ASCC2: variants seen among roughly 807,000 people sequenced by gnomAD.
The protein encoded by ASCC2 is activating signal cointegrator 1 complex subunit 2, also known as ASC-1 complex subunit P100.
Under a neutral mutation model 93.5 loss-of-function variants are expected in ASCC2, and 42 were observed. The observed-to-expected ratio is 0.45, with a 90% CI of 0.35 to 0.58. ASCC2 has a LOEUF of 0.58. ASCC2 is among the 20% of genes least tolerant of loss of function. The pLI is 0.00. For missense variants in ASCC2, 859 were observed against 977.6 expected, an observed-to-expected ratio of 0.88 and a Z score of 1.62; for synonymous variants, 364 against 384.2, an observed-to-expected ratio of 0.95 and a Z score of 0.62.
In ASCC2 at chr22:29,823,249, C is replaced by T. The variant is rs962523645; in HGVS notation, c.412-785G>A. 1.0e-4 allele frequency among the ~76,000 whole-genome samples: 15 copies of T among 148,630 alleles called. No homozygotes were observed. In the East Asian group the frequency reaches 1.0e-3, roughly 10 times the overall value. On this transcript the variant is annotated intron_variant, in intron 4 of 19. Transcript: ENST00000307790. ...AGACAGGGTTTTGCCATGTTGGCCACGCTGGTCTCGAACTCCTGACCTCAA... is the reference window on the plus strand; with the variant it reads ...AGACAGGGTTTTGCCATGTTGGCCATGCTGGTCTCGAACTCCTGACCTCAA...
intron 5 of ASCC2, chr22:29,821,948 A>G: frequency 4.4e-6 from 2 of 450,672 alleles, no homozygotes; most frequent in Non-Finnish European, 8.9e-6. Context: ...GCAGTGAAAT[A>G]TGATTGCGCC....
At chr22:29,798,834 C>G (rs951040298) in intron 15 of ASCC2, among the ~76,000 whole-genome samples, 6 of 152,224 alleles carry the variant, frequency 3.9e-5, no homozygotes, top group African/African-American at 7.2e-5. Flanking sequence ...AGCATAGGAT[C>G]TGGTGCTACT....
At chr22:29,838,003 G>A (rs1471066503) in intron 1 of ASCC2, among the ~76,000 whole-genome samples, 175 bp downstream of exon 1, 1 of 152,220 alleles carries the variant, frequency 6.6e-6, no homozygotes, top group Admixed American at 6.5e-5. Flanking sequence ...CGAACCCGTG[G>A]CTCCTGACCC....
At position 29,825,402 on chromosome 22, in the gene ASCC2, C is replaced by T. The variant is rs1402526302; in HGVS notation, c.241-145G>A. 1.7e-6 allele frequency: 2 copies of T among 1,201,586 alleles called. No homozygotes were observed. Among genetic ancestry groups the T allele is most frequent in the Admixed American group, 5.2e-5 (2 of 38,574 alleles). 74.4% of individuals were successfully genotyped at this position (1,201,586 alleles called of 1,614,324 possible). On this transcript the variant is annotated intron_variant, in intron 3 of 19. Transcript: ENST00000307790. The surrounding 1 kb of genome is among the most constrained non-coding windows in gnomAD (Gnocchi z 4.9). ...AGGGACCAAGGAGGTATGAATGAGC[C>T]AAGGGCTAAACACAAGATTCTAAAA...
chr22:29,790,761 G>A (rs559492840), intron 18 of ASCC2, among the ~76,000 whole-genome samples: 20 of 152,336 alleles, frequency 1.3e-4, no homozygotes, highest in East Asian at 3.9e-4. Context: ...TTCCCTGAGC[G>A]GGTGGCAGCT....
chr22:29,792,599 G>A, intron 17 of ASCC2, 64 bp from the exon 18 acceptor site: 1 of 1,602,496 alleles, frequency 6.2e-7, no homozygotes, highest in Non-Finnish European at 8.5e-7. Flanking sequence ...GCCACAAGGA[G>A]GAGGGAACCT....
At chr22:29,814,190 G>C (rs1793827565) in intron 7 of ASCC2, among the ~76,000 whole-genome samples, 1 of 152,208 alleles carries the variant, frequency 6.6e-6, no homozygotes, top group Non-Finnish European at 1.5e-5. Flanking sequence ...CCTGACACAT[G>C]TTGAGGCTTC....
rs913327576 is a variant in ASCC2 at position 29,823,634 on chromosome 22, G to A, written c.412-1170C>T. Among the ~76,000 whole-genome samples, 20 of 152,160 alleles carry A rather than the reference G, an allele frequency of 1.3e-4. 1 individual carries two copies. Among genetic ancestry groups the A allele is most frequent in the East Asian group, 5.8e-4 (3 of 5,186 alleles). ...AGGCCGAGGCAGACGGATCACGTGAGGTCAGGAGTTCGGGATCAGCCTGGC... is the reference window on the plus strand; with the variant it reads ...AGGCCGAGGCAGACGGATCACGTGAAGTCAGGAGTTCGGGATCAGCCTGGC... On this transcript the variant is annotated intron_variant, in intron 4 of 19. Coordinates refer to ENST00000307790, the MANE Select transcript of ASCC2 (RefSeq NM_032204.5).
In ASCC2 at chr22:29,814,685, C is replaced by T. The variant is rs1320510069; in HGVS notation, c.692G>A (p.Arg231Gln). 7 of 1,604,758 alleles carry T rather than the reference C, an allele frequency of 4.4e-6. No homozygotes were observed. Among genetic ancestry groups the T allele is most frequent in the South Asian group, 1.1e-5 (1 of 89,236 alleles). ...GAGAGGCATGTCACTGGGGGTCAAT[C>T]GGCCCCTCTCCTCAAGCTTCTGGGG... ...TTPQKLEERG[R>Q]LTPSDMPLLE... is the part of the protein sequence containing the mutation. The change falls in exon 7 of 20, where the codon CGA becomes CAA. Residue 231 changes from arginine (R) to glutamine (Q), a missense_variant. Transcript: ENST00000307790.
At chr22:29,790,572 A>C (rs369651531) in intron 18 of ASCC2, 24 bp from the exon 19 acceptor site, 3 of 1,610,138 alleles carry the variant, frequency 1.9e-6, no homozygotes, top group Non-Finnish European at 2.5e-6. Context: ...AGGAGACCAA[A>C]TCTGGAGTCA....
At chr22:29,837,381 C>T (rs1056343471) in intron 1 of ASCC2, among the ~76,000 whole-genome samples, 1 of 152,072 alleles carries the variant, frequency 6.6e-6, no homozygotes, top group East Asian at 1.9e-4. Context: ...TGCAGTGGGA[C>T]GAGATCACGC....
chr22:29,826,319 G>A (rs1360333976), intron 2 of ASCC2, among the ~76,000 whole-genome samples: 1 of 150,862 alleles, frequency 6.6e-6, no homozygotes, highest in African/African-American at 2.4e-5. Context: ...CTTTTGTTTT[G>A]TTTTGTTTTG....
intron 5 of ASCC2, among the ~76,000 whole-genome samples, chr22:29,819,605 G>C (rs1285135081): frequency 2.0e-5 from 3 of 152,144 alleles, no homozygotes; most frequent in Non-Finnish European, 4.4e-5. Flanking sequence ...GCTGTGGTGT[G>C]AATTAGGCAG....
At chr22:29,826,313 T>C (rs2062312447) in intron 2 of ASCC2, among the ~76,000 whole-genome samples, 1 of 151,802 alleles carries the variant, frequency 6.6e-6, no homozygotes, top group African/African-American at 2.4e-5. Flanking sequence ...ATATTACTTT[T>C]GTTTTGTTTT....
In ASCC2 at chr22:29,793,778, C is replaced by A. The variant is rs188826413; in HGVS notation, c.1689-102G>T. The A allele has an allele frequency of 1.9e-3, 2,045 of 1,080,012 alleles. 17 individuals carry two copies. The African/African-American group carries it at 0.027, about 14-fold the overall frequency. 66.9% of individuals were successfully genotyped at this position (1,080,012 alleles called of 1,614,324 possible). On this transcript the variant is annotated intron_variant, in intron 15 of 19. Transcript: ENST00000307790. ...CCACAGGCTTAACTGCTCCAGCCCT[C>A]AGACTGTCACGGAGACAAATGAAAT...
chr22:29,837,544 G>A (rs2148470097), intron 1 of ASCC2, among the ~76,000 whole-genome samples: 1 of 152,314 alleles, frequency 6.6e-6, no homozygotes, highest in African/African-American at 2.4e-5. Flanking sequence ...AGGCAGGACA[G>A]CAAAAGCCAA....
chr22:29,790,119 C>T (rs1295927016), intron 19 of ASCC2, among the ~76,000 whole-genome samples: 1 of 152,208 alleles, frequency 6.6e-6, no homozygotes, highest in African/African-American at 2.4e-5. Flanking sequence ...CACATTTACA[C>T]TCTGCCTGAT....
chr22:29,801,035 G>C lies in ASCC2; in HGVS notation c.1644C>G (p.Phe548Leu). Residue 548 changes from phenylalanine (F) to leucine (L), a missense_variant, in exon 15 of 20, where the codon TTC becomes TTG. By Grantham distance (22) the Phe-to-Leu change is conservative. Transcript: ENST00000307790. The stretch of plus-strand genomic sequence containing the variant: ...GGCTCAGGTCTACTGAGTCCCTGCT[G>C]AACACATCAAACTCGTCATTCTGGA... ...NVFQNDEFDV[F>L]SRDSVDLSRV... is the part of the protein sequence containing the mutation. 6.2e-7 allele frequency: 1 copy of C among 1,609,266 alleles called. No individual in the cohort carries two copies. Among genetic ancestry groups the C allele is most frequent in the African/African-American group, 1.3e-5 (1 of 74,946 alleles).
intron 12 of ASCC2, 107 bp from the exon 13 acceptor site, chr22:29,804,937 C>T: frequency 1.6e-6 from 2 of 1,272,262 alleles, no homozygotes; most frequent in South Asian, 1.4e-5. Flanking sequence ...CAGGGGCTTT[C>T]TGGGCTATAT....
Sources: gnomAD v4.1 joint callset for allele counts (sites outside exome capture counted in the v4.1 genomes callset) on GRCh38, gnomAD v4.1.1 for gene constraint, Gnocchi (gnomAD v3.1) non-coding constraint, MANE v1.5 for transcripts, NCBI Gene and HGNC (gene_info 2026-07-23, HGNC 2026-07-21) for gene names.